The following CPEB3 variants were observed in gnomAD, a reference collection of about 807,000 sequenced individuals.
CPEB3 encodes the protein cytoplasmic polyadenylation element binding protein 3.
A neutral mutation model predicts 67.2 loss-of-function variants in CPEB3; 20 were observed. That is an observed-to-expected ratio of 0.30 (90% CI 0.21 to 0.43). The LOEUF is 0.43. Ranked by LOEUF, CPEB3 falls within the 20% of genes least tolerant of loss-of-function variation. CPEB3 has a pLI of 1.00. For missense variants in CPEB3, 746 were observed against 968.6 expected (o/e 0.77, Z 3.05); for synonymous variants, 376 against 393.1 (o/e 0.96, Z 0.51).
At chr10:92,101,927 T>G (rs186969204) in intron 7 of CPEB3, among the ~76,000 whole-genome samples, 1 of 151,920 alleles carries the variant, frequency 6.6e-6, no homozygotes, top group African/African-American at 2.4e-5. Flanking sequence ...ACAAACAAAC[T>G]AGTTTGTGGT....
chr10:92,275,943 G>A (rs2135028474), intron 1 of CPEB3, among the ~76,000 whole-genome samples: 1 of 150,686 alleles, frequency 6.6e-6, no homozygotes, highest in South Asian at 2.1e-4. Flanking sequence ...CCGCCTCCTG[G>A]GTTCACGCCA....
In CPEB3 at chr10:92,239,724, C is replaced by A. The variant is rs1851729772; in HGVS notation, c.627G>T (p.Ala209=). 3.3e-6 allele frequency: 5 copies of A among 1,536,560 alleles called. No individual in the cohort carries two copies. Among genetic ancestry groups the A allele is most frequent in the African/African-American group, 1.4e-5 (1 of 71,308 alleles). ...TGGTCATGATGGGCTGGTGGCCGTA[C>A]GCCGCGGCGGCGCTCCTCTGCGCGT... is the stretch of plus-strand genomic sequence containing the variant. ...APYAQRSAAA[A]YGHQPIMTSK... Residue 209 remains alanine, a synonymous_variant, in exon 2 of 10, where the codon GCG becomes GCT. Transcript: ENST00000265997. The surrounding 1 kb of genome is among the most constrained non-coding windows in gnomAD (Gnocchi z 6.0).
chr10:92,129,627 A>G (rs1337326452), intron 6 of CPEB3, among the ~76,000 whole-genome samples: 1 of 152,158 alleles, frequency 6.6e-6, no homozygotes, highest in Non-Finnish European at 1.5e-5. Flanking sequence ...AATTAGAATA[A>G]CAATAGAAAA....
chr10:92,159,043 T>C (rs1847341124), intron 4 of CPEB3, among the ~76,000 whole-genome samples: 1 of 151,464 alleles, frequency 6.6e-6, no homozygotes, highest in Non-Finnish European at 1.5e-5. Context: ...AGGAGGATCA[T>C]TTGAGGTCAG....
intron 4 of CPEB3, among the ~76,000 whole-genome samples, chr10:92,156,372 G>A (rs1298001778): frequency 6.6e-6 from 1 of 152,200 alleles, no homozygotes; most frequent in Non-Finnish European, 1.5e-5. Context: ...GCCAGATCAT[G>A]GGGACCCTGA....
At chr10:92,091,712 C>A (rs755450612) in intron 8 of CPEB3, 118 bp downstream of exon 8, 1 of 585,450 alleles carries the variant, frequency 1.7e-6, no homozygotes. Flanking sequence ...ATGATGACAG[C>A]CTTCTTTTTG....
At chr10:92,268,397 G>A (rs143442253) in intron 1 of CPEB3, among the ~76,000 whole-genome samples, 2 of 152,274 alleles carry the variant, frequency 1.3e-5, no homozygotes, top group Non-Finnish European at 2.9e-5. Context: ...GGAGGCCGGG[G>A]CAGGAAGATT....
At chr10:92,060,499 A>G (rs1437491252) in intron 9 of CPEB3, among the ~76,000 whole-genome samples, 2 of 151,968 alleles carry the variant, frequency 1.3e-5, no homozygotes, top group Non-Finnish European at 2.9e-5. Flanking sequence ...ACAGACAACC[A>G]AAGCAAAAAT....
chr10:92,124,100 A>G (rs1845509899), intron 6 of CPEB3, among the ~76,000 whole-genome samples: 1 of 152,182 alleles, frequency 6.6e-6, no homozygotes, highest in Non-Finnish European at 1.5e-5. Context: ...TTTTTCCTCA[A>G]TAAAAGTTCT....
chr10:92,110,759 G>A (rs768725945), intron 7 of CPEB3, among the ~76,000 whole-genome samples: 2 of 152,070 alleles, frequency 1.3e-5, no homozygotes, highest in African/African-American at 2.4e-5. Context: ...AAATAATGAC[G>A]GAAACCAGCT....
chr10:92,223,909 C>T (rs1333264812), intron 2 of CPEB3, among the ~76,000 whole-genome samples: 6 of 151,982 alleles, frequency 3.9e-5, no homozygotes, highest in Non-Finnish European at 8.8e-5. Context: ...CCACCACACC[C>T]GGCTAATTTT....
intron 2 of CPEB3, among the ~76,000 whole-genome samples, chr10:92,210,149 A>T (rs1309891880): frequency 1.3e-5 from 2 of 152,152 alleles, no homozygotes; most frequent in Non-Finnish European, 2.9e-5. Flanking sequence ...AGATAAAAAT[A>T]AAAAGATTTA....
chr10:92,186,398 A>C (rs185441138), intron 3 of CPEB3, among the ~76,000 whole-genome samples: 19 of 150,554 alleles, frequency 1.3e-4, no homozygotes, highest in African/African-American at 4.7e-4. Flanking sequence ...TCAAAATAAT[A>C]ATAATCATCA....
chr10:92,069,952 C>T (rs1165831194), intron 9 of CPEB3, among the ~76,000 whole-genome samples: 2 of 152,170 alleles, frequency 1.3e-5, no homozygotes, highest in Non-Finnish European at 2.9e-5. Flanking sequence ...CCCACTACTA[C>T]ATGGACATGC....
intron 9 of CPEB3, among the ~76,000 whole-genome samples, chr10:92,080,535 A>G (rs892701848): frequency 6.6e-6 from 1 of 152,088 alleles, no homozygotes; most frequent in Non-Finnish European, 1.5e-5. Flanking sequence ...GTTGAAGAGG[A>G]GACTGAAGGG....
At chr10:92,115,949 CAG>C (rs1423512350) in intron 6 of CPEB3, among the ~76,000 whole-genome samples, 3 of 152,002 alleles carry the variant, frequency 2.0e-5, no homozygotes, top group Admixed American at 2.0e-4. Context: ...CCTGTGATAA[CAG>C]AGCCATTTTC....
rs771270395 is a variant in CPEB3 at position 92,118,611 on chromosome 10, TA to T, written c.1454-7418del. 2.8e-4 allele frequency: 127 copies of T among 450,376 alleles called. 1 individual carries two copies. Among genetic ancestry groups the T allele is most frequent in the Non-Finnish European group, 4.3e-4 (103 of 240,556 alleles). The allele number at this position is 450,376 out of a possible 1,614,324, so 27.9% of individuals were successfully genotyped here. A position where few individuals can be genotyped will look rare whatever the true frequency, so the allele number is the denominator to read the frequency against. On this transcript the variant is annotated intron_variant, in intron 6 of 9. Transcript: ENST00000265997. ...AAAAAGCCTAGGGAACTGTCTAAAT[TA>T]AAGGAGATTAAAGAGATGTAACAAC... is the stretch of plus-strand genomic sequence containing the variant.
At chr10:92,183,774 C>T (rs1331308256) in intron 3 of CPEB3, among the ~76,000 whole-genome samples, 1 of 152,090 alleles carries the variant, frequency 6.6e-6, no homozygotes, top group Non-Finnish European at 1.5e-5. Context: ...AAAAAGTTAG[C>T]AATATTCCCT....
chr10:92,170,693 G>C (rs1564835389), intron 4 of CPEB3, among the ~76,000 whole-genome samples: 1 of 152,140 alleles, frequency 6.6e-6, no homozygotes, highest in Non-Finnish European at 1.5e-5. Context: ...GAGGAAGAAA[G>C]AGAGGGTGGG....
Sources: allele counts gnomAD v4.1 joint callset (sites outside exome capture counted in the v4.1 genomes callset), GRCh38; gene constraint gnomAD v4.1.1; non-coding constraint Gnocchi (gnomAD v3.1); transcripts MANE v1.5; gene names NCBI Gene and HGNC (gene_info 2026-07-23, HGNC 2026-07-21).